EFCAB11: variants seen among roughly 807,000 people sequenced by gnomAD.
EFCAB11 encodes the protein EF-hand calcium-binding domain-containing protein 11.
EFCAB11 carries 14 observed loss-of-function variants against 23.0 expected under a neutral mutation model. The observed-to-expected ratio is 0.61, with a 90% CI of 0.40 to 0.95. The LOEUF is 0.95. Among genes scored for constraint, EFCAB11 ranks in the 40% least tolerant of loss-of-function variants. The pLI is 0.00. For synonymous variants in EFCAB11, 65 were observed against 66.6 expected, an observed-to-expected ratio of 0.98 and a Z score of 0.11; for missense variants, 198 against 195.8, an observed-to-expected ratio of 1.01 and a Z score of -0.07.
At position 89,933,895 on chromosome 14, in the gene EFCAB11, C is replaced by A. The variant is rs1890484157; in HGVS notation, c.218-1268G>T. Among the ~76,000 whole-genome samples the A allele has an allele frequency of 2.0e-5, 3 of 152,160 alleles. No individual in the cohort carries two copies. In the South Asian group the frequency reaches 6.2e-4, roughly 32 times the overall value. Reference sequence around the variant, plus strand: ...CCCTTCAAGGAGGAGATATTTAAGCCAAGACCTAAACCATGAGACAATACC... The same window carrying A: ...CCCTTCAAGGAGGAGATATTTAAGCAAAGACCTAAACCATGAGACAATACC... On this transcript the variant is annotated intron_variant, in intron 3 of 5. Coordinates refer to ENST00000316738, the MANE Select transcript of EFCAB11 (RefSeq NM_145231.4).
intron 5 of EFCAB11, among the ~76,000 whole-genome samples, chr14:89,834,188 G>A (rs975616050): frequency 3.3e-5 from 5 of 151,646 alleles, no homozygotes; most frequent in Admixed American, 1.3e-4. Flanking sequence ...CATCCTGGCC[G>A]ACGTGGTGAA....
intron 5 of EFCAB11, among the ~76,000 whole-genome samples, chr14:89,868,764 G>A (rs1888176697): frequency 6.6e-6 from 1 of 152,192 alleles, no homozygotes; most frequent in Non-Finnish European, 1.5e-5. Flanking sequence ...TACCTTTGAA[G>A]CCCATTTCAC....
intron 5 of EFCAB11, among the ~76,000 whole-genome samples, chr14:89,867,710 G>A (rs1177239307): frequency 6.6e-6 from 1 of 152,122 alleles, no homozygotes; most frequent in East Asian, 1.9e-4. Flanking sequence ...TTATGCACAT[G>A]TTAGTATGAA....
chr14:89,797,404 T>C lies in EFCAB11; in HGVS notation c.411-80A>G. 2 of 1,304,980 alleles carry C rather than the reference T, an allele frequency of 1.5e-6. 1 individual carries two copies. The highest frequency in any genetic ancestry group is 2.5e-5 in the South Asian group (2 of 80,714). The allele number at this position is 1,304,980 out of a possible 1,614,324, so 80.8% of individuals were successfully genotyped here. A position where few individuals can be genotyped will look rare whatever the true frequency, so the allele number is the denominator to read the frequency against. ...CCGAGAGCACATTAGAATCTTTATT[T>C]ATTTGCATGTCTGTGTGAGAGAGGA... On this transcript the variant is annotated intron_variant, in intron 5 of 5. Coordinates refer to ENST00000316738, the MANE Select transcript of EFCAB11 (RefSeq NM_145231.4).
chr14:89,901,783 T>C (rs1236989715), intron 5 of EFCAB11, among the ~76,000 whole-genome samples: 1 of 152,208 alleles, frequency 6.6e-6, no homozygotes, highest in Non-Finnish European at 1.5e-5. Context: ...GAATATAATA[T>C]GGGTTGAGTT....
chr14:89,800,289 C>T lies in EFCAB11; in HGVS notation c.411-2965G>A, dbSNP rs532237351. ...CCGTAAGTAAGTCGATTACAGTTTC[C>T]ATGCTCAACCACATTTTGCAAAACA... On this transcript the variant is annotated intron_variant, in intron 5 of 5. Transcript: ENST00000316738. 2.6e-5 allele frequency among the ~76,000 whole-genome samples: 4 copies of T among 152,170 alleles called. No individual in the cohort carries two copies. In the South Asian group the frequency reaches 8.3e-4, roughly 32 times the overall value.
chr14:89,867,773 C>T (rs943669772), intron 5 of EFCAB11, among the ~76,000 whole-genome samples: 4 of 152,066 alleles, frequency 2.6e-5, no homozygotes, highest in Admixed American at 6.6e-5. Flanking sequence ...TCTGCTACGC[C>T]GAGGAAATGA....
intron 5 of EFCAB11, among the ~76,000 whole-genome samples, chr14:89,875,348 G>T (rs1888402799): frequency 6.6e-6 from 1 of 152,302 alleles, no homozygotes; most frequent in African/African-American, 2.4e-5. Flanking sequence ...TCCCTCCCAT[G>T]ACACATGTGA....
chr14:89,890,587 T>C (rs1311356652), intron 5 of EFCAB11, among the ~76,000 whole-genome samples: 1 of 152,226 alleles, frequency 6.6e-6, no homozygotes, highest in Non-Finnish European at 1.5e-5. Context: ...TTTCTGTTTT[T>C]GGATACTCAG....
intron 5 of EFCAB11, among the ~76,000 whole-genome samples, chr14:89,930,229 GTCACTGTTAATGATA>G (rs1398343313): frequency 6.6e-6 from 1 of 152,184 alleles, no homozygotes; most frequent in Non-Finnish European, 1.5e-5. Flanking sequence ...TTTCATATAT[GTCACTGTTAATGATA>G]ATGACTGCAA....
At chr14:89,889,881 C>T (rs1888907061) in intron 5 of EFCAB11, among the ~76,000 whole-genome samples, 1 of 152,186 alleles carries the variant, frequency 6.6e-6, no homozygotes, top group South Asian at 2.1e-4. Context: ...TCTGGTTTCC[C>T]CTGGACTTCA....
chr14:89,827,145 A>C (rs954366675), intron 5 of EFCAB11, among the ~76,000 whole-genome samples: 1 of 152,210 alleles, frequency 6.6e-6, no homozygotes, highest in Non-Finnish European at 1.5e-5. Context: ...AAAAGGTAGT[A>C]ACCATTAAAA....
intron 5 of EFCAB11, among the ~76,000 whole-genome samples, chr14:89,914,287 T>C (rs996310846): frequency 1.3e-5 from 2 of 152,226 alleles, no homozygotes; most frequent in Admixed American, 1.3e-4. Context: ...CCTAAGGCCC[T>C]GGCTAAGAGC....
At chr14:89,922,511 T>G (rs1387010957) in intron 5 of EFCAB11, among the ~76,000 whole-genome samples, 1 of 152,122 alleles carries the variant, frequency 6.6e-6, no homozygotes, top group Non-Finnish European at 1.5e-5. Flanking sequence ...GAAAAATGGG[T>G]CAGAGGCAGA....
At chr14:89,915,823 C>T (rs1275156528) in intron 5 of EFCAB11, among the ~76,000 whole-genome samples, 2 of 152,030 alleles carry the variant, frequency 1.3e-5, no homozygotes, top group Admixed American at 1.3e-4. Context: ...CTATGCTAGC[C>T]TACAGTGTTT....
At chr14:89,885,874 GTTTT>G (rs201027530) in intron 5 of EFCAB11, among the ~76,000 whole-genome samples, 1 of 137,862 alleles carries the variant, frequency 7.3e-6, no homozygotes, top group Admixed American at 7.1e-5. Flanking sequence ...TTGGCTTCTT[GTTTT>G]TTTCTTTTTT....
At chr14:89,943,537 C>T (rs1395408509) in intron 3 of EFCAB11, among the ~76,000 whole-genome samples, 4 of 152,090 alleles carry the variant, frequency 2.6e-5, no homozygotes, top group African/African-American at 9.7e-5. Flanking sequence ...GCTACCACAC[C>T]CCGCCAATTT....
intron 5 of EFCAB11, chr14:89,924,047 T>C (rs1340584846): frequency 1.7e-5 from 17 of 985,550 alleles, no homozygotes; most frequent in South Asian, 9.4e-5. Flanking sequence ...GGCTGTGATA[T>C]AACATCTATA....
chr14:89,827,247 G>A (rs1445500697), intron 5 of EFCAB11, among the ~76,000 whole-genome samples: 3 of 152,170 alleles, frequency 2.0e-5, no homozygotes, highest in Non-Finnish European at 2.9e-5. Flanking sequence ...AGGTCCTGTG[G>A]AGCTGGAACC....
Sources: gnomAD v4.1 joint callset for allele counts (sites outside exome capture counted in the v4.1 genomes callset) on GRCh38, gnomAD v4.1.1 for gene constraint, MANE v1.5 for transcripts, NCBI Gene and HGNC (gene_info 2026-07-23, HGNC 2026-07-21) for gene names.